ERAP1: variants seen among roughly 807,000 people sequenced by gnomAD.
ERAP1 encodes endoplasmic reticulum aminopeptidase 1, also known as adipocyte-derived leucine aminopeptidase.
In ERAP1, 86 loss-of-function variants were observed where a neutral mutation model predicts 103.7. That is an observed-to-expected ratio of 0.83 (90% confidence interval 0.70 to 0.99). The LOEUF (loss-of-function observed/expected upper bound fraction) is 0.99. Among genes scored for constraint, ERAP1 ranks in the 50% least tolerant of loss-of-function variants. The pLI, the probability that ERAP1 is intolerant of heterozygous loss-of-function variation, is 0.00. For missense variants in ERAP1, 1,009 were observed against 1,128.4 expected, an observed-to-expected ratio of 0.89 and a Z score of 1.52; for synonymous variants, 398 against 402.4, an observed-to-expected ratio of 0.99 and a Z score of 0.13.
At chr5:96,931,194 T>C in the ERAP1 span, among the ~76,000 whole-genome samples, 4 of 152,006 alleles carry the variant, frequency 2.6e-5, no homozygotes, top group Non-Finnish European at 5.9e-5. Flanking sequence ...TCTCACTCTG[T>C]TGCCCAGGCT....
upstream of ERAP1, among the ~76,000 whole-genome samples, chr5:96,812,662 TC>T: frequency 6.6e-6 from 1 of 152,250 alleles, no homozygotes; most frequent in Non-Finnish European, 1.5e-5. Flanking sequence ...AAATAACTTT[TC>T]AAAACCTTAG....
chr5:96,929,854 C>CT, the ERAP1 span, among the ~76,000 whole-genome samples: 4,935 of 152,220 alleles, frequency 0.032, 153 homozygotes, highest in South Asian at 0.089. Context: ...TCCATCTTTA[C>CT]TTTCCTATAT....
At chr5:96,911,287 A>G in the ERAP1 span, among the ~76,000 whole-genome samples, 1 of 152,218 alleles carries the variant, frequency 6.6e-6, no homozygotes, top group Non-Finnish European at 1.5e-5. Flanking sequence ...TGACAAATGC[A>G]AATTTCTGGC....
At chr5:96,894,924 A>G in the ERAP1 span, among the ~76,000 whole-genome samples, 2 of 152,062 alleles carry the variant, frequency 1.3e-5, no homozygotes, top group Non-Finnish European at 2.9e-5. Context: ...GAAAAAAACT[A>G]CCTCCATAAA....
At chr5:96,780,950 A>G (rs1166804871) in intron 17 of ERAP1, 108 bp downstream of exon 17, 11 of 1,338,114 alleles carry the variant, frequency 8.2e-6, no homozygotes, top group African/African-American at 2.9e-5. Context: ...CCTATCTTCA[A>G]TCAAAAAGTA....
chr5:96,896,382 T>A, the ERAP1 span: 7 of 1,610,016 alleles, frequency 4.3e-6, no homozygotes, highest in African/African-American at 8.0e-5. Context: ...GGATGACTAT[T>A]TTTTGAATGT....
chr5:96,808,002 G>C (rs1247825649), upstream of ERAP1: 2 of 985,646 alleles, frequency 2.0e-6, no homozygotes, highest in Non-Finnish European at 2.4e-6. Context: ...AGCCCTAGCG[G>C]CAGGCGGGGA....
the ERAP1 span, among the ~76,000 whole-genome samples, chr5:96,820,413 C>T: frequency 6.6e-6 from 1 of 152,228 alleles, no homozygotes; most frequent in African/African-American, 2.4e-5. Context: ...TTTTGTATGT[C>T]ATACTTCTAA....
At chr5:96,789,246 G>A (rs545768894) in intron 10 of ERAP1, among the ~76,000 whole-genome samples, 5 of 152,328 alleles carry the variant, frequency 3.3e-5, no homozygotes, top group Non-Finnish European at 5.9e-5. Context: ...TAGCACTTTC[G>A]GAGTCTGAGT....
chr5:96,867,945 G>C, the ERAP1 span, among the ~76,000 whole-genome samples: 1 of 151,986 alleles, frequency 6.6e-6, no homozygotes, highest in Non-Finnish European at 1.5e-5. Context: ...TTGGTGGCGA[G>C]TGCCTGTAAT....
Position 96,776,344 on chromosome 5 carries a change from C to G in ERAP1, c.*52G>C. The G allele has an allele frequency of 6.3e-7, 1 of 1,576,354 alleles. No individual in the cohort carries two copies. Among genetic ancestry groups the G allele is most frequent in the Non-Finnish European group, 8.6e-7 (1 of 1,161,962 alleles). On this transcript the variant is annotated 3_prime_UTR_variant, in exon 19 of 19. Coordinates refer to ENST00000443439, the MANE Select transcript of ERAP1 (RefSeq NM_001040458.3). ...GCCATCTCTAGTTTGAAAATACACTCAACAAAATGTTGGTGATTAGAGATA... is the reference window on the plus strand; with the variant it reads ...GCCATCTCTAGTTTGAAAATACACTGAACAAAATGTTGGTGATTAGAGATA...
Position 96,781,684 on chromosome 5 carries a change from C to T in ERAP1, c.2447+9G>A, listed in dbSNP as rs201784710. The T allele has an allele frequency of 1.9e-4, 303 of 1,613,958 alleles. 1 individual carries two copies. The African/African-American group carries it at 3.5e-3, about 19-fold the overall frequency. On this transcript the variant is annotated intron_variant, in intron 16 of 18. Transcript: ENST00000443439. ...TGGCCACATGAACATGAATGAATGA[C>T]GGACTCACCATTGAAGCTTTTCCTT...
chr5:96,783,294 T>C (rs370412648), intron 14 of ERAP1, 59 bp from the exon 15 acceptor site: 332 of 1,491,906 alleles, frequency 2.2e-4, no homozygotes, highest in Non-Finnish European at 2.9e-4. Flanking sequence ...TTCATGTTAA[T>C]ATAATCCATT....
chr5:96,776,129 GAAT>G lies in ERAP1; in HGVS notation c.*264_*266del. 7.0e-7 allele frequency: 1 copy of G among 1,431,092 alleles called. No individual in the cohort carries two copies. The highest frequency in any genetic ancestry group is 9.3e-7 in the Non-Finnish European group (1 of 1,080,552). The allele number at this position is 1,431,092 out of a possible 1,614,324, so 88.6% of individuals were successfully genotyped here. A position where few individuals can be genotyped will look rare whatever the true frequency, so the allele number is the denominator to read the frequency against. ...TTAAGCATAAACTATAAAATGAGAAGAATAAGGTACTTTATTCTTCTGTGGCAG... is the reference window on the plus strand; with the variant it reads ...TTAAGCATAAACTATAAAATGAGAAGAAGGTACTTTATTCTTCTGTGGCAG... On this transcript the variant is annotated 3_prime_UTR_variant, in exon 19 of 19. Transcript: ENST00000443439.
chr5:96,831,093 G>A, the ERAP1 span, among the ~76,000 whole-genome samples: 3 of 152,180 alleles, frequency 2.0e-5, no homozygotes, highest in African/African-American at 7.2e-5. Context: ...TGGTTCTTCA[G>A]GCTGTACAGG....
At chr5:96,806,670 C>T (rs1778640366) in intron 1 of ERAP1, among the ~76,000 whole-genome samples, 1 of 141,338 alleles carries the variant, frequency 7.1e-6, no homozygotes. Context: ...CGCTCTGTCT[C>T]CCAGGCTGGA....
chr5:96,887,365 A>C, the ERAP1 span, among the ~76,000 whole-genome samples: 7 of 146,662 alleles, frequency 4.8e-5, no homozygotes, highest in South Asian at 1.5e-3. Flanking sequence ...CAATGATGCT[A>C]TCTCGGCTCA....
the ERAP1 span, chr5:96,896,623 C>T: frequency 7.0e-7 from 1 of 1,436,422 alleles, no homozygotes; most frequent in South Asian, 1.4e-5. Context: ...TTTATTTGTT[C>T]ACTTTTCAGA....
At chr5:96,767,727 A>G (rs1303737826) in intron 19 of ERAP1, among the ~76,000 whole-genome samples, 1 of 152,192 alleles carries the variant, frequency 6.6e-6, no homozygotes, top group African/African-American at 2.4e-5. Context: ...GATGGAAAAA[A>G]AGCCATCAAG....
Sources: gnomAD v4.1 joint callset for allele counts (sites outside exome capture counted in the v4.1 genomes callset) on GRCh38, gnomAD v4.1.1 for gene constraint, MANE v1.5 for transcripts, NCBI Gene and HGNC (gene_info 2026-07-23, HGNC 2026-07-21) for gene names.